The following FNDC7 variants were observed in gnomAD, a reference collection of about 807,000 sequenced individuals.
FNDC7 encodes the protein fibronectin type III domain containing 7.
Under a neutral mutation model 74.2 loss-of-function variants are expected in FNDC7, and 66 were observed. The ratio of observed to expected loss-of-function variants is 0.89; its 90% CI spans 0.73 to 1.09. FNDC7 has a LOEUF of 1.09. FNDC7 is among the 50% of genes least tolerant of loss of function. The pLI, the probability that FNDC7 is intolerant of heterozygous loss-of-function variation, is 0.00. For missense variants in FNDC7, 829 were observed against 893.4 expected (o/e 0.93, Z 0.92); for synonymous variants, 307 against 330.2 (o/e 0.93, Z 0.76).
chr1:108,722,493 A>T lies in FNDC7; in HGVS notation c.757A>T (p.Ile253Phe), dbSNP rs1167984243. The T allele has an allele frequency of 3.1e-6, 5 of 1,614,164 alleles. No homozygotes were observed. The highest frequency in any genetic ancestry group is 4.2e-6 in the Non-Finnish European group (5 of 1,180,024). Residue 253 changes from isoleucine (I) to phenylalanine (F), a missense_variant, in exon 5 of 13, where the codon ATC becomes TTC. Physicochemically the swap from Ile to Phe is conservative, Grantham distance 21. Transcript: ENST00000370017. ...TCSTTFSSCT[I>F]SSLQCGTEYL... ...CAGTACAACTTTCAGTTCCTGCACCATCTCTTCCCTCCAGTGTGGAACTGA... is the reference window on the plus strand; with the variant it reads ...CAGTACAACTTTCAGTTCCTGCACCTTCTCTTCCCTCCAGTGTGGAACTGA...
intron 4 of FNDC7, 113 bp downstream of exon 4, chr1:108,719,162 C>T (rs1482351120): frequency 2.5e-6 from 3 of 1,192,418 alleles, no homozygotes; most frequent in Non-Finnish European, 3.5e-6. Context: ...CAGCTGGCAA[C>T]AGCTATTTAA....
intron 11 of FNDC7, among the ~76,000 whole-genome samples, chr1:108,741,310 G>A (rs78335134): frequency 0.018 from 2,757 of 152,262 alleles, 62 homozygotes; most frequent in African/African-American, 0.05. Context: ...GGCTGGGGGT[G>A]TTCCTTCATC....
Position 108,733,522 on chromosome 1 carries a change from A to AT in FNDC7, c.2130_2131insT (p.Ile711TyrfsTer17), listed in dbSNP as rs767058210. On this transcript the variant is annotated frameshift_variant, in exon 10 of 13. Coordinates refer to ENST00000370017, the MANE Select transcript of FNDC7 (RefSeq NM_001144937.3). LOFTEE classifies it high-confidence loss of function. The stretch of plus-strand genomic sequence containing the variant: ...TGAAGCTTACTTTCTGTCCAAAAAA[A>AT]ATATATTCAGGTAAAGCAAGTTATG... 2.6e-5 allele frequency: 42 copies of AT among 1,612,322 alleles called. No homozygotes were observed. The Middle Eastern group carries it at 1.3e-3, about 51-fold the overall frequency.
At chr1:108,724,754 C>T (rs1210231041) in intron 5 of FNDC7, among the ~76,000 whole-genome samples, 1 of 127,414 alleles carries the variant, frequency 7.8e-6, no homozygotes, top group African/African-American at 2.8e-5. Context: ...ACCTTGTCTC[C>T]AAAAAAAAAA....
chr1:108,717,826 T>C lies in FNDC7; in HGVS notation c.132T>C (p.Ser44=). 2 of 1,551,654 alleles carry C rather than the reference T, an allele frequency of 1.3e-6. No homozygotes were observed. The highest frequency in any genetic ancestry group is 1.7e-6 in the Non-Finnish European group (2 of 1,146,980). The part of the protein sequence containing the change: ...IDQAYSKLSN[S]ITVEWATVPG... ...AGGCATATTCAAAACTCAGCAACAGTATCACTGTAGAATGGGCTACAGTGC... is the reference window on the plus strand; with the variant it reads ...AGGCATATTCAAAACTCAGCAACAGCATCACTGTAGAATGGGCTACAGTGC... The change falls in exon 3 of 13, where the codon AGT becomes AGC. Residue 44 remains serine (S), a synonymous_variant. Coordinates refer to ENST00000370017, the MANE Select transcript of FNDC7 (RefSeq NM_001144937.3).
At position 108,721,920 on chromosome 1, in the gene FNDC7, A is replaced by G. The variant is rs1039345310; in HGVS notation, c.599-415A>G. Among the ~76,000 whole-genome samples, 4 of 152,214 alleles carry G rather than the reference A, an allele frequency of 2.6e-5. No individual in the cohort carries two copies. In the South Asian group the frequency reaches 8.3e-4, roughly 31 times the overall value. ...ATCAATAACAGAAAATATTTGACCT[A>G]TCACTTAATAATAACGTACCCACGT... On this transcript the variant is annotated intron_variant, in intron 4 of 12. Coordinates refer to ENST00000370017, the MANE Select transcript of FNDC7 (RefSeq NM_001144937.3).
chr1:108,718,715 T>G, intron 3 of FNDC7, 74 bp from the exon 4 acceptor site: 1 of 1,463,720 alleles, frequency 6.8e-7, no homozygotes, highest in Non-Finnish European at 9.2e-7. Flanking sequence ...GGATATCAAT[T>G]TACTTGCTTC....
chr1:108,729,315 C>T (rs1345220665), intron 8 of FNDC7, among the ~76,000 whole-genome samples: 1 of 152,004 alleles, frequency 6.6e-6, no homozygotes, highest in East Asian at 1.9e-4. Flanking sequence ...TTTGGGAGGC[C>T]GAGGCGGGCA....
intron 10 of FNDC7, among the ~76,000 whole-genome samples, chr1:108,736,932 G>A (rs1436899980): frequency 6.8e-6 from 1 of 147,776 alleles, no homozygotes; most frequent in Non-Finnish European, 1.5e-5. Context: ...TATTAACTCA[G>A]TCCTTACAAC....
chr1:108,728,984 C>A (rs61797275), intron 8 of FNDC7, 98 bp downstream of exon 8: 12 of 1,420,154 alleles, frequency 8.4e-6, no homozygotes, highest in Non-Finnish European at 1.2e-5. Flanking sequence ...CTCAGTGCAA[C>A]AGAAATACAT....
chr1:108,741,882 G>GT (rs34129242), intron 12 of FNDC7, 41 bp downstream of exon 12: 2 of 1,442,896 alleles, frequency 1.4e-6, no homozygotes, highest in Non-Finnish European at 1.9e-6. Context: ...TTATGGCAAA[G>GT]TTTTTTGTCT....
chr1:108,719,763 AG>A lies in FNDC7; in HGVS notation c.598+715del, dbSNP rs1408102132. On this transcript the variant is annotated intron_variant, in intron 4 of 12. Coordinates refer to ENST00000370017, the MANE Select transcript of FNDC7 (RefSeq NM_001144937.3). ...AAGCGAATGAGAGAGAGAGAGAGAG[AG>A]AGAGAGAGAGAGAACGAGAGGGGGT... 1.2e-3 allele frequency among the ~76,000 whole-genome samples: 184 copies of A among 152,122 alleles called. 1 individual carries two copies. Among genetic ancestry groups the A allele is most frequent in the African/African-American group, 4.2e-3 (174 of 41,496 alleles).
Position 108,718,886 on chromosome 1 carries a change from C to T in FNDC7, c.435C>T (p.Ser145=). Residue 145 remains serine (S), a synonymous_variant, in exon 4 of 13, where the codon TCC becomes TCT. Coordinates refer to ENST00000370017, the MANE Select transcript of FNDC7 (RefSeq NM_001144937.3). ...ATATGGCAATTGCATTCTCCGTGTC[C>T]ATTATGCGAGCCAATGGCTTGGGGA... The part of the protein sequence containing the change: ...AVYMAIAFSV[S]IMRANGLGSI... 6.4e-7 allele frequency: 1 copy of T among 1,551,610 alleles called. No individual in the cohort carries two copies. The highest frequency in any genetic ancestry group is 1.2e-5 in the South Asian group (1 of 84,048).
intron 11 of FNDC7, among the ~76,000 whole-genome samples, chr1:108,740,675 A>G (rs1167379917): frequency 1.3e-5 from 2 of 152,170 alleles, no homozygotes; most frequent in African/African-American, 4.8e-5. Context: ...TGCCACCATC[A>G]CTTGCTCTTA....
At chr1:108,740,325 T>C in intron 11 of FNDC7, among the ~76,000 whole-genome samples, 1 of 139,760 alleles carries the variant, frequency 7.2e-6, no homozygotes, top group South Asian at 2.4e-4. Context: ...AAACTTTTTT[T>C]TTTTTTTTTT....
At chr1:108,714,585 T>C (rs920874811) in intron 2 of FNDC7, among the ~76,000 whole-genome samples, 4 of 149,702 alleles carry the variant, frequency 2.7e-5, no homozygotes, top group African/African-American at 9.8e-5. Flanking sequence ...GAGGGTCTGC[T>C]TGGCCATATA....
intron 1 of FNDC7, 141 bp downstream of exon 1, chr1:108,713,137 T>C: frequency 1.5e-6 from 1 of 689,462 alleles, no homozygotes; most frequent in Non-Finnish European, 2.4e-6. Flanking sequence ...AGGTTGTATA[T>C]GTTTGCGTGT....
rs573694979 is a variant in FNDC7 at position 108,738,663 on chromosome 1, C to T, written c.2170+1139C>T. On this transcript the variant is annotated intron_variant, in intron 11 of 12. Coordinates refer to ENST00000370017, the MANE Select transcript of FNDC7 (RefSeq NM_001144937.3). The stretch of plus-strand genomic sequence containing the variant: ...GTCGGGGCTGGCTCCCCACCCACAC[C>T]CCCTTCCACTGGCAGGAACTGGGTC... Among the ~76,000 whole-genome samples the T allele has an allele frequency of 4.1e-4, 63 of 151,926 alleles. No homozygotes were observed. The East Asian group carries it at 7.9e-3, about 19-fold the overall frequency.
At chr1:108,713,626 G>A in intron 2 of FNDC7, 97 bp downstream of exon 2, 4 of 1,105,492 alleles carry the variant, frequency 3.6e-6, no homozygotes, top group Non-Finnish European at 5.1e-6. Flanking sequence ...GGCTATATGA[G>A]AAAAAAAAAT....
Sources: gnomAD v4.1 joint callset for allele counts (sites outside exome capture counted in the v4.1 genomes callset) on GRCh38, gnomAD v4.1.1 for gene constraint, MANE v1.5 for transcripts, NCBI Gene and HGNC (gene_info 2026-07-23, HGNC 2026-07-21) for gene names.